SLC26A3: variants seen among roughly 807,000 people sequenced by gnomAD.
SLC26A3 encodes solute carrier family 26 member 3.
SLC26A3 carries 64 observed loss-of-function variants against 85.6 expected under a neutral mutation model. The ratio of observed to expected loss-of-function variants is 0.75; its 90% CI spans 0.61 to 0.92. The LOEUF (loss-of-function observed/expected upper bound fraction) is 0.92. Ranked by LOEUF, SLC26A3 falls within the 40% of genes least tolerant of loss-of-function variation. The pLI, the probability that SLC26A3 is intolerant of heterozygous loss-of-function variation, is 0.00. For synonymous variants in SLC26A3, 349 were observed against 336.0 expected, an observed-to-expected ratio of 1.04 and a Z score of -0.42; for missense variants, 922 against 927.3, an observed-to-expected ratio of 0.99 and a Z score of 0.07.
intron 8 of SLC26A3, among the ~76,000 whole-genome samples, chr7:107,784,651 C>T (rs565687718): frequency 1.2e-3 from 184 of 152,254 alleles, no homozygotes; most frequent in African/African-American, 4.3e-3. Context: ...AGGATGGTCT[C>T]GAACTCCTGA....
At chr7:107,799,673 T>G (rs1201453507) in intron 1 of SLC26A3, among the ~76,000 whole-genome samples, 1 of 152,216 alleles carries the variant, frequency 6.6e-6, no homozygotes, top group Non-Finnish European at 1.5e-5. Flanking sequence ...ATTACAGGCG[T>G]GAGCACCCGG....
In SLC26A3 at chr7:107,787,052, C is replaced by T. The variant is rs151070386; in HGVS notation, c.889-143G>A. ...AGGCTTTGTTACTTTTTAAGAAATT[C>T]GGAGGCAATTCTAACATGCCGCCAG... is the stretch of plus-strand genomic sequence containing the variant. On this transcript the variant is annotated intron_variant, in intron 7 of 20. Transcript: ENST00000340010. The T allele has an allele frequency of 6.1e-4, 483 of 798,296 alleles. 2 individuals carry two copies. In the East Asian group the frequency reaches 0.01, roughly 17 times the overall value. 49.5% of individuals were successfully genotyped at this position (798,296 alleles called of 1,614,324 possible). A position where few individuals can be genotyped will look rare whatever the true frequency, so the allele number is the denominator to read the frequency against.
intron 16 of SLC26A3, 47 bp downstream of exon 16, chr7:107,774,730 A>T: frequency 7.4e-7 from 1 of 1,345,318 alleles, no homozygotes; most frequent in Non-Finnish European, 1.1e-6. Context: ...ATCATCCTTT[A>T]CTAAGCTTTT....
intron 1 of SLC26A3, among the ~76,000 whole-genome samples, chr7:107,802,742 C>CTTTTTTTTTTTTTTTTTT (rs35087147): frequency 9.0e-6 from 1 of 110,774 alleles, no homozygotes; most frequent in African/African-American, 3.5e-5. Flanking sequence ...TTAAAGCTTG[C>CTTTTTTTTTTTTTTTTTT]TTTTTTTTTT....
chr7:107,774,901 G>A, intron 15 of SLC26A3, 29 bp from the exon 16 acceptor site: 3 of 1,514,998 alleles, frequency 2.0e-6, no homozygotes, highest in Non-Finnish European at 2.8e-6. Context: ...TGTTACAAGA[G>A]TACTGAATAT....
At chr7:107,799,773 G>A (rs972458378) in intron 1 of SLC26A3, among the ~76,000 whole-genome samples, 1 of 152,152 alleles carries the variant, frequency 6.6e-6, no homozygotes, top group Non-Finnish European at 1.5e-5. Flanking sequence ...GGTATACAAA[G>A]GGAGACTTCT....
At chr7:107,780,911 C>T (rs1794206235) in intron 11 of SLC26A3, among the ~76,000 whole-genome samples, 1 of 152,074 alleles carries the variant, frequency 6.6e-6, no homozygotes, top group African/African-American at 2.4e-5. Flanking sequence ...TAAGATGTCA[C>T]CATTGTGGTA....
In SLC26A3 at chr7:107,782,808, G is replaced by A. The variant is rs1230912821; in HGVS notation, c.1300C>T (p.Pro434Ser). The change falls in exon 11 of 21, where the codon CCT (proline) becomes TCT (serine). Residue 434 changes from proline (P) to serine (S), a missense_variant. Physicochemically the swap from Pro to Ser is moderately conservative, Grantham distance 74. Transcript: ENST00000340010. The part of the protein sequence containing the change: ...VVLAIGFLLA[P>S]LQKSVLAALA... ...AAAGACAGTGTTACCTTTTGTAGAG[G>A]CGCCAGGAGAAATCCAATGGCTAGA... The A allele has an allele frequency of 6.2e-7, 1 of 1,613,950 alleles. No individual in the cohort carries two copies.
Position 107,765,556 on chromosome 7 carries a change from A to G in SLC26A3, c.*299T>C. On this transcript the variant is annotated 3_prime_UTR_variant, in exon 21 of 21. Coordinates refer to ENST00000340010, the MANE Select transcript of SLC26A3 (RefSeq NM_000111.3). The stretch of plus-strand genomic sequence containing the variant: ...AAAACAGTGGCGCCACTATACTGCT[A>G]AACCTATGCATGAAGGTAGTGACTA... 1 of 348,800 alleles carries G rather than the reference A, an allele frequency of 2.9e-6. No homozygotes were observed. Among genetic ancestry groups the G allele is most frequent in the East Asian group, 5.4e-5 (1 of 18,382 alleles). The allele number at this position is 348,800 out of a possible 1,614,324, so 21.6% of individuals were successfully genotyped here. A position where few individuals can be genotyped will look rare whatever the true frequency, so the allele number is the denominator to read the frequency against.
rs1405798416 is a variant in SLC26A3, at chr7:107,791,950, C to T, written c.272-10G>A. On this transcript the variant is annotated splice_polypyrimidine_tract_variant and intron_variant, in intron 3 of 20. Transcript: ENST00000340010. Reference sequence around the variant, plus strand: ...AGAGCAAATGCTAAACCTGTAAACACACAAGCAGCAGAGCCCTTACTCTGT... The same window carrying T: ...AGAGCAAATGCTAAACCTGTAAACATACAAGCAGCAGAGCCCTTACTCTGT... 1.3e-6 allele frequency: 2 copies of T among 1,508,900 alleles called. No individual in the cohort carries two copies. The highest frequency in any genetic ancestry group is 2.3e-5 in the South Asian group (2 of 88,884). The allele number at this position is 1,508,900 out of a possible 1,614,324, so 93.5% of individuals were successfully genotyped here.
rs139332364 is a variant in SLC26A3, at chr7:107,773,886, G to A, written c.2007+34C>T. ...ATTTTTTTTTTAACCTTTAGTCATT[G>A]ATTGGTTGTTTCCATTAAGAACAAA... On this transcript the variant is annotated intron_variant, in intron 17 of 20. Coordinates refer to ENST00000340010, the MANE Select transcript of SLC26A3 (RefSeq NM_000111.3). 2.7e-4 allele frequency: 416 copies of A among 1,530,962 alleles called. 2 individuals carry two copies. The African/African-American group carries it at 2.9e-3, about 11-fold the overall frequency. 94.8% of individuals were successfully genotyped at this position (1,530,962 alleles called of 1,614,324 possible). A position where few individuals can be genotyped will look rare whatever the true frequency, so the allele number is the denominator to read the frequency against.
chr7:107,794,710 G>GAAGAC, intron 1 of SLC26A3, 113 bp from the exon 2 acceptor site: 1 of 599,502 alleles, frequency 1.7e-6, no homozygotes. Context: ...AAAAAGGCAG[G>GAAGAC]ATTAAGGGAC....
chr7:107,782,335 C>T (rs1383389379), intron 11 of SLC26A3, among the ~76,000 whole-genome samples: 2 of 152,128 alleles, frequency 1.3e-5, no homozygotes, highest in African/African-American at 4.8e-5. Context: ...CTGTTCACTC[C>T]CATCCCACAA....
intron 1 of SLC26A3, among the ~76,000 whole-genome samples, chr7:107,798,316 C>T (rs1449488011): frequency 2.6e-5 from 4 of 151,800 alleles, no homozygotes; most frequent in Admixed American, 2.0e-4. Context: ...TAACTATTCC[C>T]ATGTATTAAT....
chr7:107,800,679 C>T (rs934682710), intron 1 of SLC26A3, among the ~76,000 whole-genome samples: 4 of 152,180 alleles, frequency 2.6e-5, no homozygotes, highest in African/African-American at 7.2e-5. Flanking sequence ...TTGAAATAAA[C>T]TGAACTATGA....
chr7:107,791,965 C>G, intron 3 of SLC26A3, 25 bp from the exon 4 acceptor site: 1 of 1,357,526 alleles, frequency 7.4e-7, no homozygotes, highest in East Asian at 2.3e-5. Flanking sequence ...GCAGCAGAGC[C>G]CTTACTCTGT....
At chr7:107,786,271 T>G (rs1234829578) in intron 8 of SLC26A3, among the ~76,000 whole-genome samples, 1 of 152,180 alleles carries the variant, frequency 6.6e-6, no homozygotes, top group African/African-American at 2.4e-5. Context: ...CACTTGATGT[T>G]TCTTTAAGAG....
Position 107,801,482 on chromosome 7 carries a change from AG to A in SLC26A3, c.-89+1628del. Reference sequence around the variant, plus strand: ...TATTCTTCCCCTTGCTTCTCAACAAAGTGACACAGAGGCTAGAGGAGCCTCT... The same window carrying A: ...TATTCTTCCCCTTGCTTCTCAACAAATGACACAGAGGCTAGAGGAGCCTCT... On this transcript the variant is annotated intron_variant, in intron 1 of 20. Coordinates refer to ENST00000340010, the MANE Select transcript of SLC26A3 (RefSeq NM_000111.3). Among the ~76,000 whole-genome samples the A allele has an allele frequency of 1.3e-5, 2 of 152,198 alleles. 1 individual carries two copies. Among genetic ancestry groups the A allele is most frequent in the East Asian group, 3.9e-4 (2 of 5,188 alleles).
intron 5 of SLC26A3, among the ~76,000 whole-genome samples, chr7:107,790,699 T>C (rs1335209622): frequency 1.3e-5 from 2 of 152,214 alleles, no homozygotes; most frequent in Non-Finnish European, 2.9e-5. Context: ...GACGATTTCT[T>C]GTATACAGTT....
Sources: gnomAD v4.1 joint callset for allele counts (sites outside exome capture counted in the v4.1 genomes callset) on GRCh38, gnomAD v4.1.1 for gene constraint, MANE v1.5 for transcripts, NCBI Gene and HGNC (gene_info 2026-07-23, HGNC 2026-07-21) for gene names.